DOK7: variants seen among roughly 807,000 people sequenced by gnomAD.
DOK7 encodes the protein docking protein 7.
In DOK7, 32 loss-of-function variants were observed where a neutral mutation model predicts 30.7. The ratio of observed to expected loss-of-function variants is 1.04; its 90% CI spans 0.79 to 1.40. The LOEUF (loss-of-function observed/expected upper bound fraction) is 1.40. DOK7 is among the 40% of genes most tolerant of loss of function. The pLI is 0.00. For synonymous variants in DOK7, 447 were observed against 324.1 expected (o/e 1.38, Z -4.07); for missense variants, 1,007 against 699.2 (o/e 1.44, Z -4.97).
intron 6 of DOK7, chr4:3,500,148 G>A: frequency 7.3e-7 from 1 of 1,373,774 alleles, no homozygotes; most frequent in Non-Finnish European, 9.8e-7. Context: ...AGGCGGAGTG[G>A]GGAGGAGGGG....
chr4:3,497,510 G>A (rs1318116581), downstream of DOK7, among the ~76,000 whole-genome samples: 2 of 152,162 alleles, frequency 1.3e-5, no homozygotes, highest in African/African-American at 4.8e-5. Context: ...GGTTGGGCAG[G>A]GCTGAGAGGC....
At chr4:3,471,723 C>T (rs35283737) in intron 2 of DOK7, among the ~76,000 whole-genome samples, 22,694 of 152,194 alleles carry the variant, frequency 0.15, 1,843 homozygotes, top group African/African-American at 0.19. Context: ...TGGGGCCGGG[C>T]GTCCTGCTTC....
intron 2 of DOK7, 125 bp from the exon 3 acceptor site, chr4:3,473,281 C>A: frequency 1.1e-6 from 1 of 876,012 alleles, no homozygotes; most frequent in Non-Finnish European, 1.8e-6. Context: ...CTTGGCATGG[C>A]TGAGTGGCTG....
chr4:3,493,308 G>A lies in DOK7; in HGVS notation c.1322G>A (p.Gly441Glu), dbSNP rs1257859460. ...GACTCAGGCGGCCAGACGTCCGCCG[G>A]GTGTCCCTCTGGCTGGCTGGGCACG... is the stretch of plus-strand genomic sequence containing the variant. Reference protein sequence around the residue: ...ARDSGGQTSAGCPSGWLGTRR... With the variant: ...ARDSGGQTSAECPSGWLGTRR... The change falls in exon 7 of 7, where the codon GGG becomes GAG. Residue 441 changes from glycine (G) to glutamate (E), a missense_variant. Transcript: ENST00000340083. 1.2e-6 allele frequency: 2 copies of A among 1,606,048 alleles called. No homozygotes were observed. Among genetic ancestry groups the A allele is most frequent in the Non-Finnish European group, 1.7e-6 (2 of 1,176,756 alleles).
chr4:3,466,061 C>A (rs1357998753), intron 2 of DOK7, among the ~76,000 whole-genome samples: 2 of 152,210 alleles, frequency 1.3e-5, no homozygotes, highest in African/African-American at 4.8e-5. Flanking sequence ...CTCAGAAAAG[C>A]CACCGGGAGG....
chr4:3,480,829 G>A (rs1047985177), intron 4 of DOK7, among the ~76,000 whole-genome samples: 1 of 152,092 alleles, frequency 6.6e-6, no homozygotes, highest in Admixed American at 6.5e-5. Context: ...GGATCAGACG[G>A]TCCGGCCTCA....
intron 6 of DOK7, among the ~76,000 whole-genome samples, chr4:3,490,607 C>T (rs1464990737): frequency 7.6e-6 from 1 of 131,308 alleles, no homozygotes; most frequent in Non-Finnish European, 1.6e-5. Context: ...TTCTTCTCTC[C>T]CTGCTCGTTC....
At chr4:3,500,896 C>A in exon 8 of DOK7, 1 of 1,461,734 alleles carries the variant, frequency 6.8e-7, no homozygotes, top group Admixed American at 2.4e-5. Context: ...CAGGCCAGCC[C>A]CTTCTGTTGG....
intron 6 of DOK7, among the ~76,000 whole-genome samples, chr4:3,490,300 C>T (rs1425699190): frequency 7.1e-5 from 6 of 85,102 alleles, no homozygotes; most frequent in African/African-American, 2.1e-4. Context: ...ATTTCTTCCT[C>T]CGCCCCCCCG....
chr4:3,478,980 T>C (rs965895592), intron 4 of DOK7, among the ~76,000 whole-genome samples: 1 of 152,006 alleles, frequency 6.6e-6, no homozygotes, highest in Non-Finnish European at 1.5e-5. Flanking sequence ...ACTCGGGTGG[T>C]CCAGGGGCAG....
chr4:3,467,900 G>A (rs897958439), intron 2 of DOK7, among the ~76,000 whole-genome samples: 1 of 152,076 alleles, frequency 6.6e-6, no homozygotes, highest in Admixed American at 6.5e-5. Flanking sequence ...GGGAGGAAGC[G>A]CCCTGGGGCC....
chr4:3,496,775 G>A (rs1728933585), downstream of DOK7: 4 of 1,534,304 alleles, frequency 2.6e-6, no homozygotes, highest in Non-Finnish European at 3.5e-6. Context: ...CACAGGATGA[G>A]GGGAAGACTG....
At chr4:3,496,068 C>G (rs2239742), downstream of DOK7, among the ~76,000 whole-genome samples, 5,945 of 152,120 alleles carry the variant, frequency 0.039, 156 homozygotes, top group Admixed American at 0.063. Flanking sequence ...TGCCGGCTGC[C>G]GGAACCCATG....
chr4:3,474,647 C>G (rs972215658), intron 3 of DOK7, among the ~76,000 whole-genome samples: 2 of 152,204 alleles, frequency 1.3e-5, no homozygotes, highest in Non-Finnish European at 2.9e-5. Context: ...CATAGCGAAG[C>G]CCCATCTCTA....
intron 5 of DOK7, among the ~76,000 whole-genome samples, chr4:3,488,629 T>A (rs1328646846): frequency 1.3e-5 from 2 of 152,222 alleles, no homozygotes; most frequent in Non-Finnish European, 2.9e-5. Context: ...AAACTTTTCA[T>A]GCTGCCACTG....
Position 3,492,890 on chromosome 4 carries a change from G to GC in DOK7, c.905dup (p.Ala303SerfsTer66), listed in dbSNP as rs770989037. The stretch of plus-strand genomic sequence containing the variant: ...CACGTCACAGGAGGGGCCTAGACCA[G>GC]CAGCTGCCCAGGCCGCCGGGGAAGC... On this transcript the variant is annotated frameshift_variant, in exon 7 of 7. Transcript: ENST00000340083. LOFTEE classifies it low-confidence loss of function (END_TRUNC). 1 of 1,596,384 alleles carries GC rather than the reference G, an allele frequency of 6.3e-7. No homozygotes were observed. The highest frequency in any genetic ancestry group is 1.1e-5 in the South Asian group (1 of 88,974).
chr4:3,492,969 A>C lies in DOK7; in HGVS notation c.983A>C (p.Gln328Pro), dbSNP rs752168445. ...PPKPLRPRQL[Q>P]EVGRQSSSDS... ...AAGCCGCTGCGTCCGCGGCAGCTGC[A>C]GGAGGTTGGCCGCCAGAGCTCCTCG... The change falls in exon 7 of 7, where the codon CAG becomes CCG. Residue 328 changes from glutamine to proline, a missense_variant. Transcript: ENST00000340083. 34 of 1,553,406 alleles carry C rather than the reference A, an allele frequency of 2.2e-5. No individual in the cohort carries two copies. The highest frequency in any genetic ancestry group is 2.9e-5 in the Non-Finnish European group (34 of 1,152,598).
rs554026540 is a variant in DOK7, at chr4:3,493,069, C to G, written c.1083C>G (p.Asp361Glu). The G allele has an allele frequency of 6.3e-7, 1 of 1,575,510 alleles. No individual in the cohort carries two copies. The highest frequency in any genetic ancestry group is 2.3e-5 in the East Asian group (1 of 43,142). Residue 361 changes from aspartate (D) to glutamate (E), a missense_variant, in exon 7 of 7, where the codon GAC becomes GAG. By Grantham distance (45) the Asp-to-Glu change is conservative (BLOSUM62 2). Coordinates refer to ENST00000340083, the MANE Select transcript of DOK7 (RefSeq NM_173660.5). The part of the protein sequence containing the change: ...SLSSYAGSSL[D>E]VWRATDELGS... Reference sequence around the variant, plus strand: ...CGTCCTACGCGGGCAGCAGCCTGGACGTGTGGCGGGCCACAGATGAACTGG... The same window carrying G: ...CGTCCTACGCGGGCAGCAGCCTGGAGGTGTGGCGGGCCACAGATGAACTGG...
At chr4:3,482,752 G>C (rs56195797) in intron 4 of DOK7, among the ~76,000 whole-genome samples, 12,112 of 152,326 alleles carry the variant, frequency 0.08, 836 homozygotes, top group African/African-American at 0.18. Context: ...GAAGGGGCAG[G>C]GGGGCGGTCA....
Sources: gnomAD v4.1 joint callset for allele counts (sites outside exome capture counted in the v4.1 genomes callset) on GRCh38, gnomAD v4.1.1 for gene constraint, MANE v1.5 for transcripts, NCBI Gene and HGNC (gene_info 2026-07-23, HGNC 2026-07-21) for gene names.